The following COL5A2 variants were observed in gnomAD, a reference collection of about 807,000 sequenced individuals.
The protein encoded by COL5A2 is collagen alpha-2(V) chain.
In COL5A2, 23 loss-of-function variants were observed where a neutral mutation model predicts 208.2. That is an observed-to-expected ratio of 0.11 (90% confidence interval 0.08 to 0.16). The LOEUF (loss-of-function observed/expected upper bound fraction) is 0.16, where lower values mean the gene tolerates loss of function less well. Among genes scored for constraint, COL5A2 ranks in the 10% least tolerant of loss-of-function variants. The pLI is 1.00. For synonymous variants in COL5A2, 625 were observed against 628.5 expected (o/e 0.99, Z 0.08); for missense variants, 1,590 against 1,956.4 (o/e 0.81, Z 3.53).
At chr2:189,366,129 A>G in the COL5A2 span, among the ~76,000 whole-genome samples, 1 of 152,152 alleles carries the variant, frequency 6.6e-6, no homozygotes, top group Non-Finnish European at 1.5e-5. Flanking sequence ...GCACCATCAA[A>G]AGGCCCTTGT....
intron 1 of COL5A2, among the ~76,000 whole-genome samples, chr2:189,143,933 C>T (rs1687988317): frequency 6.6e-6 from 1 of 151,996 alleles, no homozygotes; most frequent in Admixed American, 6.6e-5. Flanking sequence ...AGCTGCAGAA[C>T]TGGAATTCTT....
intron 6 of COL5A2, among the ~76,000 whole-genome samples, chr2:189,096,846 G>A (rs934504104): frequency 7.2e-5 from 11 of 152,122 alleles, no homozygotes; most frequent in African/African-American, 2.4e-4. Flanking sequence ...TCTCTGCAGT[G>A]GCTGCTGAGT....
intron 1 of COL5A2, among the ~76,000 whole-genome samples, chr2:189,119,245 A>G (rs1266642429): frequency 2.0e-5 from 3 of 152,090 alleles, no homozygotes; most frequent in Non-Finnish European, 4.4e-5. Context: ...AAAAGCAAAC[A>G]GACAAGGAGG....
At chr2:189,035,847 T>C (rs1309442568) in intron 52 of COL5A2, among the ~76,000 whole-genome samples, 1 of 152,026 alleles carries the variant, frequency 6.6e-6, no homozygotes, top group Non-Finnish European at 1.5e-5. Flanking sequence ...AAAATTTCAA[T>C]TAGGCTGCCA....
chr2:189,216,463 G>A (rs1689280815), intron 1 of COL5A2, among the ~76,000 whole-genome samples: 1 of 151,714 alleles, frequency 6.6e-6, no homozygotes, highest in Non-Finnish European at 1.5e-5. Context: ...ATGAAAAATC[G>A]AGATGCCTGC....
chr2:189,071,452 C>A (rs773993013), intron 18 of COL5A2, among the ~76,000 whole-genome samples: 15 of 152,178 alleles, frequency 9.9e-5, no homozygotes, highest in Non-Finnish European at 1.5e-5. Flanking sequence ...AGAGAAAGAA[C>A]CAATTGTGAT....
At chr2:189,145,356 C>T (rs375171149) in intron 1 of COL5A2, among the ~76,000 whole-genome samples, 4 of 152,064 alleles carry the variant, frequency 2.6e-5, no homozygotes, top group East Asian at 3.9e-4. Context: ...TTCAAGGCAG[C>T]GTTCACTGAA....
At chr2:189,376,979 T>C in the COL5A2 span, among the ~76,000 whole-genome samples, 9 of 152,206 alleles carry the variant, frequency 5.9e-5, no homozygotes, top group African/African-American at 2.2e-4. Flanking sequence ...TAATATATTG[T>C]TACCAATTAC....
chr2:189,044,833 TCAAGTTTACA>T (rs1685629906), intron 47 of COL5A2, among the ~76,000 whole-genome samples: 1 of 152,132 alleles, frequency 6.6e-6, no homozygotes, highest in Non-Finnish European at 1.5e-5. Flanking sequence ...ATAGTGCTTT[TCAAGTTTACA>T]GAGAGCTTTC....
chr2:189,236,143 C>G, the COL5A2 span, among the ~76,000 whole-genome samples: 1 of 151,728 alleles, frequency 6.6e-6, no homozygotes, highest in African/African-American at 2.4e-5. Context: ...TGGGAACTTG[C>G]ACCATGTTTC....
chr2:189,138,050 C>A (rs531515747), intron 1 of COL5A2, among the ~76,000 whole-genome samples: 1 of 152,230 alleles, frequency 6.6e-6, no homozygotes, highest in East Asian at 1.9e-4. Context: ...TGTCGGCTCA[C>A]TGCAACCTCT....
At chr2:189,404,614 C>T in the COL5A2 span, among the ~76,000 whole-genome samples, 1 of 152,210 alleles carries the variant, frequency 6.6e-6, no homozygotes, top group Non-Finnish European at 1.5e-5. Context: ...TCTCAGCCTT[C>T]ATAATTGCAC....
chr2:189,433,695 T>C, the COL5A2 span, among the ~76,000 whole-genome samples: 13 of 151,982 alleles, frequency 8.6e-5, no homozygotes, highest in Admixed American at 7.9e-4. Flanking sequence ...AATTAATAGC[T>C]TACCAATCAA....
rs747273821 is a variant in COL5A2 at position 189,063,250 on chromosome 2, G to A, written c.1791C>T (p.Gly597=). 2 of 1,613,952 alleles carry A rather than the reference G, an allele frequency of 1.2e-6. No individual in the cohort carries two copies. The highest frequency in any genetic ancestry group is 8.5e-7 in the Non-Finnish European group (1 of 1,179,988). The change falls in exon 27 of 54, where the codon GGC becomes GGT. Residue 597 remains glycine, a synonymous_variant. Transcript: ENST00000374866. The part of the protein sequence containing the change: ...LGPLGAPGED[G]RPGPPGSIGI... ...CTATGGAGCCTGGAGGACCTGGACG[G>A]CCATCTTCCCCTGGCGCACCCTATA...
At chr2:189,294,845 C>T in the COL5A2 span, among the ~76,000 whole-genome samples, 2 of 152,144 alleles carry the variant, frequency 1.3e-5, no homozygotes, top group Non-Finnish European at 2.9e-5. Flanking sequence ...GTCTCAGAGG[C>T]TGGAGTGCAG....
At chr2:189,394,752 A>C in the COL5A2 span, among the ~76,000 whole-genome samples, 2 of 152,350 alleles carry the variant, frequency 1.3e-5, no homozygotes, top group Admixed American at 6.5e-5. Context: ...ACAAAGTATG[A>C]AAGGCACAAT....
chr2:189,142,580 C>A (rs1467490436), intron 1 of COL5A2, among the ~76,000 whole-genome samples: 1 of 152,000 alleles, frequency 6.6e-6, no homozygotes, highest in Non-Finnish European at 1.5e-5. Context: ...ATCTTATGCC[C>A]ACTCTTATAT....
intron 19 of COL5A2, 75 bp from the exon 20 acceptor site, chr2:189,068,345 C>T (rs775206363): frequency 8.1e-7 from 1 of 1,239,482 alleles, no homozygotes; most frequent in Non-Finnish European, 1.2e-6. Flanking sequence ...ATACAGATGT[C>T]CAGCCATCTT....
chr2:189,255,093 C>T, the COL5A2 span, among the ~76,000 whole-genome samples: 15 of 152,198 alleles, frequency 9.9e-5, no homozygotes, highest in Admixed American at 7.2e-4. Context: ...AACAGGCTAT[C>T]CACATTCTTT....
Sources: allele counts gnomAD v4.1 joint callset (sites outside exome capture counted in the v4.1 genomes callset), GRCh38; gene constraint gnomAD v4.1.1; transcripts MANE v1.5; gene names NCBI Gene and HGNC (gene_info 2026-07-23, HGNC 2026-07-21).